The following TTN variants were observed in gnomAD, a reference collection of about 807,000 sequenced individuals.
TTN encodes titin, also known as connectin.
In TTN, 1,525 loss-of-function variants were observed where a neutral mutation model predicts 3,223.0. The observed-to-expected ratio is 0.47, with a 90% CI of 0.45 to 0.49. The LOEUF is 0.49. Among genes scored for constraint, TTN ranks in the 20% least tolerant of loss-of-function variants. TTN has a pLI of 0.00. For missense variants in TTN, 40,786 were observed against 43,424.0 expected, an observed-to-expected ratio of 0.94 and a Z score of 5.40; for synonymous variants, 14,094 against 15,161.0, an observed-to-expected ratio of 0.93 and a Z score of 5.17.
At chr2:178,678,685 A>C in intron 143 of TTN, 62 bp downstream of exon 143, 1 of 1,482,228 alleles carries the variant, frequency 6.7e-7, no homozygotes, top group South Asian at 1.2e-5. Context: ...AATTAAACCA[A>C]TTAATTTTTA....
intron 99 of TTN, 90 bp from the exon 100 acceptor site, chr2:178,707,903 T>G: frequency 2.2e-6 from 3 of 1,377,868 alleles, no homozygotes; most frequent in Non-Finnish European, 2.9e-6. Flanking sequence ...AAAACTGGCC[T>G]CTAACAGGTA....
chr2:178,544,457 G>T lies in TTN; in HGVS notation c.95772C>A (p.His31924Gln), dbSNP rs747894883. 3 of 1,612,108 alleles carry T rather than the reference G, an allele frequency of 1.9e-6. No homozygotes were observed. Among genetic ancestry groups the T allele is most frequent in the Non-Finnish European group, 2.5e-6 (3 of 1,178,392 alleles). ...GTTTGGTCCATGCCAAACTAATGCTGTGTTTGGTGGTATCCACAACTCTTG... is the reference window on the plus strand; with the variant it reads ...GTTTGGTCCATGCCAAACTAATGCTTTGTTTGGTGGTATCCACAACTCTTG... ...SAPRVVDTTK[H>Q]SISLAWTKPM... Residue 31924 changes from histidine (H) to glutamine (Q), a missense_variant, in exon 345 of 363, where the codon CAC becomes CAA. His to Gln is a conservative substitution (Grantham distance 24). Coordinates refer to ENST00000589042, the MANE Select transcript of TTN (RefSeq NM_001267550.2).
chr2:178,540,519 G>T, intron 350 of TTN, 149 bp from the exon 351 acceptor site: 1 of 732,088 alleles, frequency 1.4e-6, no homozygotes, highest in Non-Finnish European at 2.2e-6. Context: ...ATGGCTGGGT[G>T]TGGTGGCTCA....
rs893777482 is a variant in TTN at position 178,545,048 on chromosome 2, C to T, written c.95722+340G>A. 7.2e-5 allele frequency among the ~76,000 whole-genome samples: 11 copies of T among 152,264 alleles called. 1 individual carries two copies. The highest frequency in any genetic ancestry group is 1.3e-4 in the Admixed American group (2 of 15,288). On this transcript the variant is annotated intron_variant, in intron 344 of 362. Coordinates refer to ENST00000589042, the MANE Select transcript of TTN (RefSeq NM_001267550.2). ...GAAACTGTATGTTCCTGCTAAACCT[C>T]TTCTTAAAAGGAGTTTTGCCATTTT...
At chr2:178,673,355 G>A (rs975765194) in intron 152 of TTN, among the ~76,000 whole-genome samples, 1 of 151,720 alleles carries the variant, frequency 6.6e-6, no homozygotes, top group Non-Finnish European at 1.5e-5. Flanking sequence ...GGGGAAGAGG[G>A]ATCCATTGCT....
Position 178,620,111 on chromosome 2 carries a change from A to T in TTN, c.46306T>A (p.Tyr15436Asn), listed in dbSNP as rs748548136. 5 of 1,608,706 alleles carry T rather than the reference A, an allele frequency of 3.1e-6. No individual in the cohort carries two copies. In the Admixed American group the frequency reaches 5.1e-5, roughly 16 times the overall value. The change falls in exon 249 of 363, where the codon TAC becomes AAC. Residue 15436 changes from tyrosine (Y) to asparagine (N), a missense_variant and splice_region_variant. Transcript: ENST00000589042. Reference protein sequence around the residue: ...NGREIKEGKKYKFEKDGSIHR... With the variant: ...NGREIKEGKKNKFEKDGSIHR... ...ATACTTCCATCTTTTTCAAATTTGT[A>T]TCTAAAGGAGACATTGGATTATCAG... is the stretch of plus-strand genomic sequence containing the variant.
chr2:178,527,872 T>C, intron 361 of TTN, 124 bp from the exon 362 acceptor site: 2 of 903,822 alleles, frequency 2.2e-6, no homozygotes, highest in Non-Finnish European at 3.2e-6. Flanking sequence ...AACAATTTGC[T>C]GTTGAAGCAT....
rs549478203 is a variant in TTN at position 178,607,676 on chromosome 2, G to A, written c.53012C>T (p.Ala17671Val). ...VTVAEPQEPP[A>V]VELDVSVKGG... is the part of the protein sequence containing the mutation. ...CTTGACAGAAACATCCAGTTCCACA[G>A]CTGGAGGCTCTGTTGAAAGAGAACA... Residue 17671 changes from alanine (A) to valine (V), a missense_variant, in exon 277 of 363, where the codon GCT (alanine) becomes GTT (valine). Physicochemically the swap from Ala to Val is moderately conservative, Grantham distance 64. Coordinates refer to ENST00000589042, the MANE Select transcript of TTN (RefSeq NM_001267550.2). The A allele has an allele frequency of 1.9e-5, 30 of 1,612,824 alleles. No individual in the cohort carries two copies. The African/African-American group carries it at 3.3e-4, about 18-fold the overall frequency.
rs727503660 is a variant in TTN at position 178,741,323 on chromosome 2, T to A, written c.11910A>T (p.Thr3970=). Residue 3970 remains threonine (T), a synonymous_variant, in exon 48 of 363, where the codon ACA becomes ACT. Coordinates refer to ENST00000589042, the MANE Select transcript of TTN (RefSeq NM_001267550.2). ...AAAGCTGCTTGTTTTCTTTGAACCA[T>A]GTAACAGTAGGGGCAGGCTCTCCAA... ...TVVGEPAPTV[T]WFKENKQLCT... is the part of the protein sequence containing the mutation. 1.1e-5 allele frequency: 17 copies of A among 1,613,786 alleles called. No homozygotes were observed. Among genetic ancestry groups the A allele is most frequent in the Non-Finnish European group, 1.4e-5 (17 of 1,179,836 alleles).
At chr2:178,715,818 A>G in intron 88 of TTN, 44 bp from the exon 89 acceptor site, 1 of 1,505,654 alleles carries the variant, frequency 6.6e-7, no homozygotes, top group Non-Finnish European at 8.9e-7. Flanking sequence ...GATGGAACAG[A>G]TGCATATAAT....
chr2:178,629,854 C>T (rs2059580708), intron 239 of TTN, among the ~76,000 whole-genome samples: 1 of 152,102 alleles, frequency 6.6e-6, no homozygotes, highest in Non-Finnish European at 1.5e-5. Flanking sequence ...TGCTTCCCAC[C>T]TTCTTTCTTG....
At position 178,552,055 on chromosome 2, in the gene TTN, G is replaced by A. The variant is rs756769026; in HGVS notation, c.90845C>T (p.Thr30282Met). The stretch of plus-strand genomic sequence containing the variant: ...GACTAGATTAGGAACTTTGAAAGTC[G>A]TTCTGGCAACACTTGAACACACCAT... ...WKMVCSSVAR[T>M]TFKVPNLVKD... Residue 30282 changes from threonine (T) to methionine (M), a missense_variant, in exon 335 of 363, where the codon ACG becomes ATG. Transcript: ENST00000589042. 2.5e-5 allele frequency: 40 copies of A among 1,613,560 alleles called. No individual in the cohort carries two copies. Among genetic ancestry groups the A allele is most frequent in the Admixed American group, 8.3e-5 (5 of 59,978 alleles).
intron 6 of TTN, among the ~76,000 whole-genome samples, chr2:178,796,229 T>C (rs1239635807): frequency 1.3e-5 from 2 of 152,200 alleles, no homozygotes; most frequent in Admixed American, 6.5e-5. Flanking sequence ...ACTGATTTAA[T>C]TCTTAATAAG....
chr2:178,728,993 G>T lies in TTN; in HGVS notation c.19045C>A (p.Leu6349Ile), dbSNP rs2079884280. 1 of 1,612,958 alleles carries T rather than the reference G, an allele frequency of 6.2e-7. No homozygotes were observed. Among genetic ancestry groups the T allele is most frequent in the African/African-American group, 1.3e-5 (1 of 74,874 alleles). ...CCATTATCCACACTTCTGATTTGAA[G>T]TGTGGCCACACTGTCCACAAATGAA... The part of the protein sequence containing the change: ...YISFVDSVAT[L>I]QIRSVDNGHS... Residue 6349 changes from leucine (L) to isoleucine (I), a missense_variant, in exon 65 of 363, where the codon CTT becomes ATT. Leu to Ile is a conservative substitution (Grantham distance 5). Coordinates refer to ENST00000589042, the MANE Select transcript of TTN (RefSeq NM_001267550.2).
chr2:178,741,462 G>A lies in TTN; in HGVS notation c.11771C>T (p.Ala3924Val). The A allele has an allele frequency of 6.2e-7, 1 of 1,613,848 alleles. No individual in the cohort carries two copies. Among genetic ancestry groups the A allele is most frequent in the Non-Finnish European group, 8.5e-7 (1 of 1,179,812 alleles). The change falls in exon 48 of 363, where the codon GCA becomes GTA. Residue 3924 changes from alanine to valine, a missense_variant. Transcript: ENST00000589042. ...EGHKDTETES[A>V]VAKSLEKLGG... ...CAGCTTTTCCAGAGATTTTGCCACT[G>A]CTGATTCTGTTTCAGTGTCTTTGTG...
At chr2:178,717,898 G>A in intron 86 of TTN, 45 bp downstream of exon 86, 1 of 1,577,108 alleles carries the variant, frequency 6.3e-7, no homozygotes, top group Non-Finnish European at 8.6e-7. Flanking sequence ...ACGTTTTTAA[G>A]AAAATGAATC....
At chr2:178,799,226 C>T (rs980078277) in intron 6 of TTN, 1 of 477,336 alleles carries the variant, frequency 2.1e-6, no homozygotes, top group African/African-American at 2.0e-5. Flanking sequence ...ATCACCCTGA[C>T]CTGCCACGCC....
At chr2:178,541,712 C>T in intron 349 of TTN, 128 bp from the exon 350 acceptor site, 2 of 596,310 alleles carry the variant, frequency 3.4e-6, no homozygotes, top group Non-Finnish European at 2.5e-6. Flanking sequence ...GACTATTTTT[C>T]CAATAGTTTC....
At position 178,629,301 on chromosome 2, in the gene TTN, C is replaced by G. The variant is rs762657962; in HGVS notation, c.44424G>C (p.Lys14808Asn). The change falls in exon 240 of 363, where the codon AAG (lysine) becomes AAC (asparagine). Residue 14808 changes from lysine (K) to asparagine (N), a missense_variant and splice_region_variant. By Grantham distance (94) the Lys-to-Asn change is moderately conservative (BLOSUM62 0). Transcript: ENST00000589042. ...LKGKKLEPSD[K>N]VVPRSEGKVH... is the part of the protein sequence containing the mutation. ...AAGACAAGGCATGCCTGCTTTTTAC[C>G]TTATCGCTGGGCTCTAGTTTCTTCC... 6.2e-7 allele frequency: 1 copy of G among 1,612,052 alleles called. No homozygotes were observed. The highest frequency in any genetic ancestry group is 8.5e-7 in the Non-Finnish European group (1 of 1,178,960).
Sources: gnomAD v4.1 joint callset for allele counts (sites outside exome capture counted in the v4.1 genomes callset) on GRCh38, gnomAD v4.1.1 for gene constraint, MANE v1.5 for transcripts, NCBI Gene and HGNC (gene_info 2026-07-23, HGNC 2026-07-21) for gene names.